Variants in GSK3B observed in about 807,000 individuals in gnomAD.
GSK3B encodes the protein glycogen synthase kinase 3 beta, also known as glycogen synthase kinase-3 beta.
Under a neutral mutation model 56.4 loss-of-function variants are expected in GSK3B, and 15 were observed. The observed-to-expected ratio is 0.27, with a 90% CI of 0.18 to 0.41. The LOEUF is 0.41. GSK3B is among the 10% of genes least tolerant of loss of function. The probability of loss-of-function intolerance (pLI) is 1.00; values close to 1 mark genes in which losing one functional copy is unlikely to be tolerated. For synonymous variants in GSK3B, 181 were observed against 188.9 expected (o/e 0.96, Z 0.34); for missense variants, 300 against 513.4 (o/e 0.58, Z 4.02).
chr3:119,868,352 A>C lies in GSK3B; in HGVS notation c.910-4747T>G, dbSNP rs1042114683. On this transcript the variant is annotated intron_variant, in intron 8 of 10. Transcript: ENST00000264235. ...AAGAAAGTTTCTGCAGTATTGAACA[A>C]ATGCAAAGAAGTCCTTAAATGAAGA... is the stretch of plus-strand genomic sequence containing the variant. Among the ~76,000 whole-genome samples, 5 of 152,236 alleles carry C rather than the reference A, an allele frequency of 3.3e-5. No individual in the cohort carries two copies. In the East Asian group the frequency reaches 9.6e-4, roughly 29 times the overall value.
rs758941856 is a variant in GSK3B at position 119,826,737 on chromosome 3, ACACT to A, written c.*47_*50del. On this transcript the variant is annotated 3_prime_UTR_variant, in exon 11 of 11. Transcript: ENST00000264235. The stretch of plus-strand genomic sequence containing the variant: ...CAAACGTGACCAGTGTTGCTGAGTG[ACACT>A]CAAGTAACTGGTGGTTTTTCCTGTG... 31 of 1,107,004 alleles carry A rather than the reference ACACT, an allele frequency of 2.8e-5. No homozygotes were observed. Among genetic ancestry groups the A allele is most frequent in the Non-Finnish European group, 4.0e-5 (29 of 716,190 alleles). The allele number at this position is 1,107,004 out of a possible 1,614,324, so 68.6% of individuals were successfully genotyped here.
chr3:119,954,296 ATAGAATAG>A (rs2057189835), intron 2 of GSK3B, among the ~76,000 whole-genome samples: 1 of 132,186 alleles, frequency 7.6e-6, no homozygotes, highest in Non-Finnish European at 1.6e-5. Flanking sequence ...ATAGAATAGA[ATAGAATAG>A]AAAAGAAACA....
intron 6 of GSK3B, among the ~76,000 whole-genome samples, chr3:119,907,512 C>T (rs527345217): frequency 6.6e-4 from 101 of 152,198 alleles, no homozygotes; most frequent in Admixed American, 2.9e-3. Flanking sequence ...CTGGAGGACA[C>T]TAAAATCTCT....
At chr3:119,878,464 C>G (rs1280362041) in intron 7 of GSK3B, among the ~76,000 whole-genome samples, 1 of 152,076 alleles carries the variant, frequency 6.6e-6, no homozygotes, top group East Asian at 1.9e-4. Context: ...TATAACAAAT[C>G]TTGGCAAGGA....
chr3:120,009,885 G>A (rs1252015390), intron 1 of GSK3B, among the ~76,000 whole-genome samples: 1 of 151,940 alleles, frequency 6.6e-6, no homozygotes, highest in South Asian at 2.1e-4. Context: ...CAAAAGCAAT[G>A]AGGGATTCCT....
chr3:119,981,878 C>G (rs985504953), intron 2 of GSK3B, among the ~76,000 whole-genome samples: 2 of 152,242 alleles, frequency 1.3e-5, no homozygotes, highest in African/African-American at 4.8e-5. Context: ...TGAGAACAGA[C>G]AGACTGCCTC....
intron 7 of GSK3B, among the ~76,000 whole-genome samples, chr3:119,886,331 C>T (rs2056435389): frequency 6.6e-6 from 1 of 151,936 alleles, no homozygotes; most frequent in Admixed American, 6.6e-5. Context: ...CAAGTCAAAA[C>T]CACAATGAGA....
In GSK3B at chr3:119,890,572, T is replaced by C. The variant is rs369961079; in HGVS notation, c.814-14064A>G. Among the ~76,000 whole-genome samples, 9 of 152,138 alleles carry C rather than the reference T, an allele frequency of 5.9e-5. No homozygotes were observed. The East Asian group carries it at 1.6e-3, about 26-fold the overall frequency. On this transcript the variant is annotated intron_variant, in intron 7 of 10. Transcript: ENST00000264235. ...CCTCAGTCCAGGCAAACTGAGACAT[T>C]TGGTCATTCCAGGCTATAAAAAGAA...
chr3:120,092,880 G>A (rs2058525631), intron 1 of GSK3B, among the ~76,000 whole-genome samples: 1 of 152,198 alleles, frequency 6.6e-6, no homozygotes, highest in African/African-American at 2.4e-5. Flanking sequence ...GACATTTAAC[G>A]TCTCTATTAA....
chr3:119,874,360 TAAC>T (rs2056283377), intron 8 of GSK3B, among the ~76,000 whole-genome samples: 2 of 152,038 alleles, frequency 1.3e-5, no homozygotes, highest in Admixed American at 1.3e-4. Flanking sequence ...AGTAAGAGGT[TAAC>T]AACAATAACT....
chr3:120,033,735 C>T (rs771913417), intron 1 of GSK3B, among the ~76,000 whole-genome samples: 8 of 152,062 alleles, frequency 5.3e-5, no homozygotes, highest in East Asian at 1.9e-4. Context: ...TGAGTTCTCA[C>T]GAGATCTAGT....
chr3:119,907,149 T>C (rs763281465), intron 6 of GSK3B, among the ~76,000 whole-genome samples: 3 of 152,132 alleles, frequency 2.0e-5, no homozygotes, highest in Non-Finnish European at 4.4e-5. Context: ...TTTATGTAAA[T>C]GCTTATTTTA....
At chr3:119,939,748 C>T (rs2057028926) in intron 3 of GSK3B, among the ~76,000 whole-genome samples, 1 of 151,956 alleles carries the variant, frequency 6.6e-6, no homozygotes, top group Non-Finnish European at 1.5e-5. Flanking sequence ...GCATAACATC[C>T]AGGTTTCTTA....
At chr3:120,087,204 T>C (rs532477033) in intron 1 of GSK3B, among the ~76,000 whole-genome samples, 120 of 152,316 alleles carry the variant, frequency 7.9e-4, no homozygotes, top group African/African-American at 2.8e-3. Context: ...CATTGATGCA[T>C]AGCTGTTATT....
At chr3:119,971,412 T>C in intron 2 of GSK3B, among the ~76,000 whole-genome samples, 1 of 152,110 alleles carries the variant, frequency 6.6e-6, no homozygotes, top group Non-Finnish European at 1.5e-5. Flanking sequence ...ACTTATGCTC[T>C]AGTAATAATT....
chr3:120,078,932 C>T (rs1012419141), intron 1 of GSK3B, among the ~76,000 whole-genome samples: 1 of 149,466 alleles, frequency 6.7e-6, no homozygotes, highest in Non-Finnish European at 1.5e-5. Context: ...CACACACACA[C>T]ACACACACAC....
At chr3:120,059,207 T>C (rs1274583122) in intron 1 of GSK3B, among the ~76,000 whole-genome samples, 2 of 152,068 alleles carry the variant, frequency 1.3e-5, no homozygotes, top group Non-Finnish European at 2.9e-5. Flanking sequence ...AAACCAAAAA[T>C]ACTCAATAAA....
rs187781995 is a variant in GSK3B, at chr3:120,064,454, C to G, written c.88+28893G>C. Reference sequence around the variant, plus strand: ...AAAAATAAAAAAAACTAGGAATAAACTTAACTGAAGATTTACAAAACTTGA... The same window carrying G: ...AAAAATAAAAAAAACTAGGAATAAAGTTAACTGAAGATTTACAAAACTTGA... On this transcript the variant is annotated intron_variant, in intron 1 of 10. Transcript: ENST00000264235. 3.3e-5 allele frequency among the ~76,000 whole-genome samples: 5 copies of G among 152,080 alleles called. No homozygotes were observed. The East Asian group carries it at 7.7e-4, about 23-fold the overall frequency.
intron 8 of GSK3B, among the ~76,000 whole-genome samples, chr3:119,867,669 G>GGTC (rs2056201209): frequency 6.6e-6 from 1 of 151,926 alleles, no homozygotes; most frequent in Non-Finnish European, 1.5e-5. Flanking sequence ...GAGGTAGCAG[G>GGTC]GTCTATTATG....
Sources: allele counts gnomAD v4.1 joint callset (sites outside exome capture counted in the v4.1 genomes callset), GRCh38; gene constraint gnomAD v4.1.1; transcripts MANE v1.5; gene names NCBI Gene and HGNC (gene_info 2026-07-23, HGNC 2026-07-21).